The following KCNQ1OT1 variants were observed in gnomAD, a reference collection of about 807,000 sequenced individuals.
KCNQ1OT1 encodes KCNQ1 antisense RNA 2 (non-protein coding).
At position 2,657,528 on chromosome 11, in the gene KCNQ1OT1, AG is replaced by A; in HGVS notation, n.42466del. The A allele has an allele frequency of 2.5e-6, 1 of 398,612 alleles. No individual in the cohort carries two copies. Among genetic ancestry groups the A allele is most frequent in the Non-Finnish European group, 4.4e-6 (1 of 226,060 alleles). 24.7% of individuals were successfully genotyped at this position (398,612 alleles called of 1,614,324 possible). On this transcript the variant is annotated non_coding_transcript_exon_variant, in exon 1 of 1. Coordinates refer to ENST00000597346, the Ensembl canonical transcript of KCNQ1OT1. This position sits in a 1 kb window ranked among gnomAD's most constrained non-coding sequence, Gnocchi z 4.8. ...CAGAAGAGAAACAAAAATAGTACCG[AG>A]TACCCACATCCCTTTCACCAGCTTC...
chr11:2,694,072 GT>G (rs1474360295), exon 1 of KCNQ1OT1: 5 of 398,706 alleles, frequency 1.3e-5, no homozygotes, highest in Non-Finnish European at 1.3e-5. Flanking sequence ...CTGACACGTA[GT>G]TCCAACTAAA....
chr11:2,668,145 G>A lies in KCNQ1OT1; in HGVS notation n.31850C>T. 2.5e-6 allele frequency: 1 copy of A among 398,628 alleles called. No homozygotes were observed. Among genetic ancestry groups the A allele is most frequent in the East Asian group, 3.6e-5 (1 of 28,078 alleles). The allele number at this position is 398,628 out of a possible 1,614,324, so 24.7% of individuals were successfully genotyped here. On this transcript the variant is annotated non_coding_transcript_exon_variant, in exon 1 of 1. Transcript: ENST00000597346. This position sits in a 1 kb window ranked among gnomAD's most constrained non-coding sequence, Gnocchi z 4.3. The stretch of plus-strand genomic sequence containing the variant: ...TGGCAGCCTCTCTATGGGGCTGAAG[G>A]GAGAGTGCTCCCTCATGCTCCTTGC...
exon 1 of KCNQ1OT1, chr11:2,696,684 C>A: frequency 2.5e-6 from 1 of 398,580 alleles, no homozygotes; most frequent in South Asian, 1.3e-4. Flanking sequence ...TTGCCCTGTT[C>A]AAGAAAATAA....
At chr11:2,692,672 ATTAG>A (rs942249600) in exon 1 of KCNQ1OT1, 19 of 398,522 alleles carry the variant, frequency 4.8e-5, no homozygotes, top group African/African-American at 2.3e-4. Flanking sequence ...GTCCTTCAAC[ATTAG>A]TTAGTCTTTC....
At chr11:2,632,988 C>T (rs1485903543) in exon 1 of KCNQ1OT1, 1 of 398,340 alleles carries the variant, frequency 2.5e-6, no homozygotes, top group East Asian at 3.6e-5. Flanking sequence ...TTTGACAAAA[C>T]ACCACAGTAT....
Position 2,658,229 on chromosome 11 carries a change from C to T in KCNQ1OT1, n.41766G>A, listed in dbSNP as rs959958960. ...TCAGCATTCATTCATGGATCGTTTT[C>T]CTGCAGCAAATATTACCGTGATGTA... On this transcript the variant is annotated non_coding_transcript_exon_variant, in exon 1 of 1. Coordinates refer to ENST00000597346, the Ensembl canonical transcript of KCNQ1OT1. This position sits in a 1 kb window ranked among gnomAD's most constrained non-coding sequence, Gnocchi z 4.9. The T allele has an allele frequency of 1.0e-5, 4 of 398,578 alleles. No individual in the cohort carries two copies. 24.7% of individuals were successfully genotyped at this position (398,578 alleles called of 1,614,324 possible). A position where few individuals can be genotyped will look rare whatever the true frequency, so the allele number is the denominator to read the frequency against.
chr11:2,671,603 C>T lies in KCNQ1OT1; in HGVS notation n.28392G>A, dbSNP rs537836423. On this transcript the variant is annotated non_coding_transcript_exon_variant, in exon 1 of 1. Coordinates refer to ENST00000597346, the Ensembl canonical transcript of KCNQ1OT1. This position sits in a 1 kb window ranked among gnomAD's most constrained non-coding sequence, Gnocchi z 4.7. ...TTATACAAGATCAGACTGCACTGCACCCTAAGTATAAACCTTGCCACAGCA... is the reference window on the plus strand; with the variant it reads ...TTATACAAGATCAGACTGCACTGCATCCTAAGTATAAACCTTGCCACAGCA... The T allele has an allele frequency of 2.5e-6, 1 of 398,640 alleles. No homozygotes were observed. The highest frequency in any genetic ancestry group is 2.1e-5 in the African/African-American group (1 of 48,740). 24.7% of individuals were successfully genotyped at this position (398,640 alleles called of 1,614,324 possible).
exon 1 of KCNQ1OT1, chr11:2,633,312 C>G (rs1468918451): frequency 2.5e-6 from 1 of 398,330 alleles, no homozygotes; most frequent in Non-Finnish European, 4.4e-6. Flanking sequence ...AATATTTTCT[C>G]CCATTCTACA....
exon 1 of KCNQ1OT1, chr11:2,640,729 T>C (rs559841915): frequency 5.0e-6 from 2 of 398,578 alleles, no homozygotes; most frequent in South Asian, 2.5e-4. Context: ...ATATACATTA[T>C]ATTGTTAAAT....
chr11:2,699,653 G>GAAGAACCCCCGGGGAGAACCGCGCCA, exon 1 of KCNQ1OT1: 2 of 358,372 alleles, frequency 5.6e-6, no homozygotes. Context: ...CAACCGCGCC[G>GAAGAACCCCCGGGGAGAACCGCGCCA]AAGAACCCCC....
chr11:2,627,324 A>C lies in KCNQ1OT1; in HGVS notation n.72671T>G, dbSNP rs1849277390. The C allele has an allele frequency of 2.5e-6, 1 of 398,552 alleles. No homozygotes were observed. Among genetic ancestry groups the C allele is most frequent in the Non-Finnish European group, 4.4e-6 (1 of 226,038 alleles). The allele number at this position is 398,552 out of a possible 1,614,324, so 24.7% of individuals were successfully genotyped here. ...CATGTGTGTGCGTGTGTGTGGTCAG[A>C]ATACCTAAGCTATACTCTCTTAGCA... On this transcript the variant is annotated non_coding_transcript_exon_variant, in exon 1 of 1. Transcript: ENST00000597346. The surrounding 1 kb of genome is among the most constrained non-coding windows in gnomAD (Gnocchi z 4.9).
rs1329559690 is a variant in KCNQ1OT1, at chr11:2,698,360, G to C, written n.1635C>G. 1 of 398,430 alleles carries C rather than the reference G, an allele frequency of 2.5e-6. No individual in the cohort carries two copies. The highest frequency in any genetic ancestry group is 2.1e-5 in the African/African-American group (1 of 48,600). 24.7% of individuals were successfully genotyped at this position (398,430 alleles called of 1,614,324 possible). A position where few individuals can be genotyped will look rare whatever the true frequency, so the allele number is the denominator to read the frequency against. Reference sequence around the variant, plus strand: ...TCTTACTCTCAATTTTATATAAAAGGCTATTTGACCTGCTCAGGGACCACA... The same window carrying C: ...TCTTACTCTCAATTTTATATAAAAGCCTATTTGACCTGCTCAGGGACCACA... On this transcript the variant is annotated non_coding_transcript_exon_variant, in exon 1 of 1. Coordinates refer to ENST00000597346, the Ensembl canonical transcript of KCNQ1OT1. The surrounding 1 kb of genome is among the most constrained non-coding windows in gnomAD (Gnocchi z 5.1).
Position 2,658,800 on chromosome 11 carries a change from TC to T in KCNQ1OT1, n.41194del, listed in dbSNP as rs1273958295. The stretch of plus-strand genomic sequence containing the variant: ...CTGACCAGAGTTCATCCTTGCCCCC[TC>T]CCCCACAACTTATTTATAGCTTTTT... On this transcript the variant is annotated non_coding_transcript_exon_variant, in exon 1 of 1. Transcript: ENST00000597346. This position sits in a 1 kb window ranked among gnomAD's most constrained non-coding sequence, Gnocchi z 4.9. 5.0e-6 allele frequency: 2 copies of T among 398,310 alleles called. No homozygotes were observed. The highest frequency in any genetic ancestry group is 4.1e-5 in the African/African-American group (2 of 48,548). The allele number at this position is 398,310 out of a possible 1,614,324, so 24.7% of individuals were successfully genotyped here.
chr11:2,680,648 G>A, exon 1 of KCNQ1OT1: 1 of 398,466 alleles, frequency 2.5e-6, no homozygotes, highest in Non-Finnish European at 4.4e-6. Context: ...ATATTGCATT[G>A]ATAGTCTCAC....
At position 2,613,438 on chromosome 11, in the gene KCNQ1OT1, T is replaced by C. The variant is rs2133793635; in HGVS notation, n.86557A>G. 1 of 398,582 alleles carries C rather than the reference T, an allele frequency of 2.5e-6. No individual in the cohort carries two copies. The highest frequency in any genetic ancestry group is 3.6e-5 in the East Asian group (1 of 28,076). 24.7% of individuals were successfully genotyped at this position (398,582 alleles called of 1,614,324 possible). A position where few individuals can be genotyped will look rare whatever the true frequency, so the allele number is the denominator to read the frequency against. On this transcript the variant is annotated non_coding_transcript_exon_variant, in exon 1 of 1. Coordinates refer to ENST00000597346, the Ensembl canonical transcript of KCNQ1OT1. This position sits in a 1 kb window ranked among gnomAD's most constrained non-coding sequence, Gnocchi z 4.8. ...TTGCTTAACATAGTGCATAGGGTTT[T>C]CTATGGAATTCAAAATCAGATGAGC...
exon 1 of KCNQ1OT1, chr11:2,662,301 A>G (rs1564849286): frequency 3.3e-6 from 2 of 603,578 alleles, no homozygotes; most frequent in Admixed American, 3.0e-5. Context: ...TCTTGTTTTG[A>G]CTTATGGAAA....
exon 1 of KCNQ1OT1, chr11:2,667,785 T>G: frequency 2.5e-6 from 1 of 398,702 alleles, no homozygotes; most frequent in Non-Finnish European, 4.4e-6. Context: ...GCTATCCACC[T>G]AATTAGGCTC....
At position 2,620,428 on chromosome 11, in the gene KCNQ1OT1, C is replaced by T. The variant is rs900428671; in HGVS notation, n.79567G>A. 3.5e-4 allele frequency: 91 copies of T among 259,780 alleles called. 2 individuals carry two copies. The highest frequency in any genetic ancestry group is 1.1e-4 in the Non-Finnish European group (16 of 139,938). 16.1% of individuals were successfully genotyped at this position (259,780 alleles called of 1,614,324 possible). A position where few individuals can be genotyped will look rare whatever the true frequency, so the allele number is the denominator to read the frequency against. ...ACAGGGTTTTTCCATGTTGGTCAGG[C>T]TGGTCTCGAACTCCTGACCTCAGGT... On this transcript the variant is annotated non_coding_transcript_exon_variant, in exon 1 of 1. Transcript: ENST00000597346. The surrounding 1 kb of genome is among the most constrained non-coding windows in gnomAD (Gnocchi z 4.5).
exon 1 of KCNQ1OT1, chr11:2,667,887 C>T (rs1450956683): frequency 7.5e-6 from 3 of 398,494 alleles, no homozygotes; most frequent in African/African-American, 2.1e-5. Context: ...GTCTCAAGTG[C>T]GCAGCTTGAG....
Sources: allele counts gnomAD v4.1 joint callset, GRCh38; gene constraint gnomAD v4.1.1; non-coding constraint Gnocchi (gnomAD v3.1); transcripts MANE v1.5; gene names NCBI Gene and HGNC (gene_info 2026-07-23, HGNC 2026-07-21).